Variants in DCBLD2 observed in about 807,000 individuals in gnomAD.
The protein encoded by DCBLD2 is discoidin, CUB and LCCL domain containing 2.
Under a neutral mutation model 86.8 loss-of-function variants are expected in DCBLD2, and 54 were observed. That is an observed-to-expected ratio of 0.62 (90% CI 0.50 to 0.78). The LOEUF is 0.78. Ranked by LOEUF, DCBLD2 falls within the 30% of genes least tolerant of loss-of-function variation. The probability of loss-of-function intolerance (pLI) is 0.00; values close to 1 mark genes in which losing one functional copy is unlikely to be tolerated. For synonymous variants in DCBLD2, 354 were observed against 341.3 expected (o/e 1.04, Z -0.41); for missense variants, 908 against 954.2 (o/e 0.95, Z 0.64).
intron 1 of DCBLD2, among the ~76,000 whole-genome samples, chr3:98,893,592 T>C (rs1244846064): frequency 6.6e-6 from 1 of 152,078 alleles, no homozygotes; most frequent in Non-Finnish European, 1.5e-5. Context: ...TAAGAAAATA[T>C]ACAGCACAAA....
chr3:98,847,016 A>G (rs1942738784), intron 3 of DCBLD2, among the ~76,000 whole-genome samples: 1 of 152,212 alleles, frequency 6.6e-6, no homozygotes, highest in Admixed American at 6.5e-5. Flanking sequence ...AATTAACTTT[A>G]TTTTCTATCC....
chr3:98,848,546 A>T (rs1479865599), intron 3 of DCBLD2, among the ~76,000 whole-genome samples: 2 of 152,206 alleles, frequency 1.3e-5, no homozygotes, highest in Admixed American at 6.5e-5. Context: ...GAATTGCCAC[A>T]CTGTCTTCCA....
chr3:98,899,629 T>G (rs898335157), intron 1 of DCBLD2, among the ~76,000 whole-genome samples: 3 of 152,184 alleles, frequency 2.0e-5, no homozygotes, highest in Non-Finnish European at 4.4e-5. Context: ...TCCAAGATTT[T>G]TTTTAATAAC....
chr3:98,863,067 T>C (rs1354957634), intron 2 of DCBLD2, among the ~76,000 whole-genome samples: 2 of 152,176 alleles, frequency 1.3e-5, no homozygotes, highest in Non-Finnish European at 1.5e-5. Flanking sequence ...GGCATTCTTA[T>C]ATACCAATAA....
Position 98,901,102 on chromosome 3 carries a change from A to G in DCBLD2, c.205+20T>C. 6.5e-7 allele frequency: 1 copy of G among 1,538,712 alleles called. No homozygotes were observed. Among genetic ancestry groups the G allele is most frequent in the Non-Finnish European group, 8.7e-7 (1 of 1,146,478 alleles). ...CCCGACGGAGGTTCCCCCGCCGCTC[A>G]CTCCCCTGGGACCACTCACCTTGCT... On this transcript the variant is annotated intron_variant, in intron 1 of 15. Coordinates refer to ENST00000326840, the MANE Select transcript of DCBLD2 (RefSeq NM_080927.4).
chr3:98,835,350 TC>T (rs1406952739), intron 3 of DCBLD2, among the ~76,000 whole-genome samples: 1 of 109,520 alleles, frequency 9.1e-6, no homozygotes, highest in Admixed American at 1.0e-4. Context: ...ACCAAAAGCA[TC>T]CTACCCACTG....
chr3:98,849,169 CA>C (rs11328978), intron 3 of DCBLD2, among the ~76,000 whole-genome samples: 135,767 of 143,356 alleles, frequency 0.95, 64,516 homozygotes, highest in East Asian at 0.99. Context: ...AACTCTGTCT[CA>C]AAAAAAAAAA....
intron 3 of DCBLD2, among the ~76,000 whole-genome samples, chr3:98,835,261 C>T (rs1421842629): frequency 3.3e-5 from 3 of 90,874 alleles, no homozygotes; most frequent in South Asian, 4.5e-4. Context: ...CAGGAGCCAC[C>T]GCGCCCGGCA....
chr3:98,896,272 G>C (rs1009939732), intron 1 of DCBLD2, among the ~76,000 whole-genome samples: 2 of 152,152 alleles, frequency 1.3e-5, no homozygotes. Context: ...GTCCTCATAG[G>C]TTGTACTAAT....
At chr3:98,844,912 T>C (rs901448250) in intron 3 of DCBLD2, among the ~76,000 whole-genome samples, 2 of 152,238 alleles carry the variant, frequency 1.3e-5, no homozygotes, top group South Asian at 2.1e-4. Context: ...GTGTGGCGAA[T>C]AGACTGTTAG....
chr3:98,849,109 C>T (rs1266618913), intron 3 of DCBLD2, among the ~76,000 whole-genome samples: 3 of 151,108 alleles, frequency 2.0e-5, no homozygotes, highest in South Asian at 2.1e-4. Flanking sequence ...GTGGAGATTG[C>T]GGTGAGCCGA....
chr3:98,887,370 A>T (rs967841746), intron 1 of DCBLD2, among the ~76,000 whole-genome samples: 2 of 152,074 alleles, frequency 1.3e-5, no homozygotes, highest in Admixed American at 1.3e-4. Context: ...TTTGGTTACA[A>T]TAAAGTTTTT....
chr3:98,831,279 T>C (rs1327588883), intron 3 of DCBLD2, among the ~76,000 whole-genome samples: 1 of 151,782 alleles, frequency 6.6e-6, no homozygotes, highest in Non-Finnish European at 1.5e-5. Context: ...TACCAACTCC[T>C]GACCTCAAGT....
At chr3:98,875,015 C>T (rs1383663573) in intron 2 of DCBLD2, among the ~76,000 whole-genome samples, 1 of 152,144 alleles carries the variant, frequency 6.6e-6, no homozygotes, top group Non-Finnish European at 1.5e-5. Flanking sequence ...GGAAAGGATG[C>T]TCACTCTCTC....
intron 1 of DCBLD2, among the ~76,000 whole-genome samples, chr3:98,883,191 T>C (rs1943502242): frequency 6.6e-6 from 1 of 151,538 alleles, no homozygotes; most frequent in Non-Finnish European, 1.5e-5. Context: ...AGCATTTTTT[T>C]CATATGTTTG....
At chr3:98,876,940 G>A (rs771113655) in intron 2 of DCBLD2, among the ~76,000 whole-genome samples, 1 of 152,102 alleles carries the variant, frequency 6.6e-6, no homozygotes, top group African/African-American at 2.4e-5. Context: ...GTTAAAGTTC[G>A]TATAAGAAAG....
chr3:98,842,149 T>C (rs1186909253), intron 3 of DCBLD2, among the ~76,000 whole-genome samples: 1 of 152,242 alleles, frequency 6.6e-6, no homozygotes, highest in Admixed American at 6.5e-5. Context: ...CAAGAAAATG[T>C]ACACCTATTC....
chr3:98,876,423 A>C (rs934137836), intron 2 of DCBLD2, among the ~76,000 whole-genome samples: 8 of 145,304 alleles, frequency 5.5e-5, no homozygotes, highest in Non-Finnish European at 1.1e-4. Context: ...AAAAAAAAAA[A>C]AAAAAAAAAA....
At chr3:98,858,419 G>C (rs1308144039) in intron 2 of DCBLD2, among the ~76,000 whole-genome samples, 1 of 152,252 alleles carries the variant, frequency 6.6e-6, no homozygotes, top group Non-Finnish European at 1.5e-5. Context: ...GCCAAAGTGG[G>C]AGCCCAGGCA....
Sources: allele counts gnomAD v4.1 joint callset (sites outside exome capture counted in the v4.1 genomes callset), GRCh38; gene constraint gnomAD v4.1.1; transcripts MANE v1.5; gene names NCBI Gene and HGNC (gene_info 2026-07-23, HGNC 2026-07-21).